Variants in DNAAF8 observed in about 807,000 individuals in gnomAD.
The protein encoded by DNAAF8 is dynein axonemal assembly factor 8, also known as dynein axonemal-associated protein 1.
A neutral mutation model predicts 54.6 loss-of-function variants in DNAAF8; 61 were observed. The observed-to-expected ratio is 1.12, with a 90% confidence interval of 0.91 to 1.38. The LOEUF (loss-of-function observed/expected upper bound fraction) is 1.38. DNAAF8 is among the 40% of genes most tolerant of loss of function. The pLI, the probability that DNAAF8 is intolerant of heterozygous loss-of-function variation, is 0.00. For missense variants in DNAAF8, 837 were observed against 665.0 expected, an observed-to-expected ratio of 1.26 and a Z score of -2.85; for synonymous variants, 320 against 270.1, an observed-to-expected ratio of 1.18 and a Z score of -1.81.
At chr16:4,743,261 C>A in intron 5 of DNAAF8, 101 bp downstream of exon 5, 1 of 804,040 alleles carries the variant, frequency 1.2e-6, no homozygotes. Context: ...GACAGTCCTG[C>A]AGCCCACACA....
intron 4 of DNAAF8, among the ~76,000 whole-genome samples, chr16:4,741,088 G>C (rs192282833): frequency 0.029 from 4,377 of 150,416 alleles, 70 homozygotes; most frequent in African/African-American, 0.036. Context: ...AAAATAATTA[G>C]CTGGGTGTGG....
At chr16:4,746,731 A>G (rs2082022189) in intron 7 of DNAAF8, 196 bp from the exon 8 acceptor site, 3 of 761,984 alleles carry the variant, frequency 3.9e-6, no homozygotes, top group East Asian at 2.8e-5. Context: ...TCTATGCAAT[A>G]GAGCCCAACA....
chr16:4,744,547 C>G (rs1167871567), intron 5 of DNAAF8, among the ~76,000 whole-genome samples: 1 of 151,810 alleles, frequency 6.6e-6, no homozygotes, highest in African/African-American at 2.4e-5. Flanking sequence ...TTTAAGTCAA[C>G]ACACAGAACT....
intron 1 of DNAAF8, 67 bp from the exon 2 acceptor site, chr16:4,736,397 G>C (rs944705781): frequency 1.7e-6 from 2 of 1,201,774 alleles, no homozygotes; most frequent in Non-Finnish European, 2.2e-6. Flanking sequence ...ACAGCTGGTA[G>C]AGCAGCCCCT....
chr16:4,745,096 G>C, intron 6 of DNAAF8, 85 bp downstream of exon 6: 1 of 1,485,412 alleles, frequency 6.7e-7, no homozygotes. Context: ...TACCAAGGGC[G>C]GGGCACTCCA....
chr16:4,748,517 G>A (rs180965408), intron 9 of DNAAF8: 7 of 152,230 alleles, frequency 4.6e-5, no homozygotes, highest in East Asian at 1.9e-4. Flanking sequence ...ATGGAGCAGC[G>A]GCCTCACTTG....
chr16:4,749,061 G>C lies in DNAAF8; in HGVS notation c.*346G>C, dbSNP rs1192934956. 6.6e-6 allele frequency: 1 copy of C among 152,416 alleles called. No homozygotes were observed. The highest frequency in any genetic ancestry group is 6.5e-5 in the Admixed American group (1 of 15,294). The allele number at this position is 152,416 out of a possible 1,614,324, so 9.4% of individuals were successfully genotyped here. A position where few individuals can be genotyped will look rare whatever the true frequency, so the allele number is the denominator to read the frequency against. ...CCCAATGATGAGGGGCATTTTCATT[G>C]CAAGTCAAAGGCAAGACAGGCTTCC... On this transcript the variant is annotated 3_prime_UTR_variant, in exon 10 of 10. Transcript: ENST00000299320.
chr16:4,740,471 C>T lies in DNAAF8; in HGVS notation c.595C>T (p.Leu199Phe). 1.9e-6 allele frequency: 3 copies of T among 1,614,078 alleles called. No homozygotes were observed. Among genetic ancestry groups the T allele is most frequent in the Non-Finnish European group, 8.5e-7 (1 of 1,180,010 alleles). ...ACAAGAATCTGTGAACCGCCGGGCCCTCCGACAGGAGAGAAGGAAGATGAT... is the reference window on the plus strand; with the variant it reads ...ACAAGAATCTGTGAACCGCCGGGCCTTCCGACAGGAGAGAAGGAAGATGAT... The part of the protein sequence containing the change: ...ASQESVNRRA[L>F]RQERRKMIET... The change falls in exon 4 of 10, where the codon CTC becomes TTC. Residue 199 changes from leucine to phenylalanine, a missense_variant. Transcript: ENST00000299320.
At chr16:4,738,807 CG>C (rs915327335) in intron 3 of DNAAF8, among the ~76,000 whole-genome samples, 19 of 151,880 alleles carry the variant, frequency 1.3e-4, no homozygotes, top group African/African-American at 4.6e-4. Context: ...CGCTTGGACC[CG>C]GGGGAGCAGA....
At position 4,743,135 on chromosome 16, in the gene DNAAF8, G is replaced by C. The variant is rs761953118; in HGVS notation, c.876G>C (p.Trp292Cys). The change falls in exon 5 of 10, where the codon TGG becomes TGC. Residue 292 changes from tryptophan to cysteine, a missense_variant. By Grantham distance (215) the Trp-to-Cys change is radical. Coordinates refer to ENST00000299320, the MANE Select transcript of DNAAF8 (RefSeq NM_139170.3). Reference sequence around the variant, plus strand: ...ATCGTGCACCTGGAACTGTGTGGTGGGCAGCTGACCACCGCCAAGTTCAAG... The same window carrying C: ...ATCGTGCACCTGGAACTGTGTGGTGCGCAGCTGACCACCGCCAAGTTCAAG... ...QGNRAPGTVWWAADHRQVQDR... is the reference protein window; with the variant it reads ...QGNRAPGTVWCAADHRQVQDR... 5 of 1,608,498 alleles carry C rather than the reference G, an allele frequency of 3.1e-6. No individual in the cohort carries two copies. The East Asian group carries it at 9.0e-5, about 29-fold the overall frequency.
Position 4,747,532 on chromosome 16 carries a change from T to A in DNAAF8, c.1470T>A (p.Ala490=), listed in dbSNP as rs922512626. The change falls in exon 9 of 10, where the codon GCT becomes GCA. Residue 490 remains alanine (A), a synonymous_variant. Coordinates refer to ENST00000299320, the MANE Select transcript of DNAAF8 (RefSeq NM_139170.3). ...GTGCCAAGGGGCAGAGCGCCCAGGCTCGACTCCCAAGAGGCAGGCCCAGAG... is the reference window on the plus strand; with the variant it reads ...GTGCCAAGGGGCAGAGCGCCCAGGCACGACTCCCAAGAGGCAGGCCCAGAG... ...KLCAKGQSAQ[A]RLPRGRPRAL... 1.2e-6 allele frequency: 2 copies of A among 1,613,048 alleles called. No individual in the cohort carries two copies. Among genetic ancestry groups the A allele is most frequent in the East Asian group, 2.2e-5 (1 of 44,874 alleles).
intron 9 of DNAAF8, 92 bp downstream of exon 9, chr16:4,747,726 CA>C: frequency 7.1e-7 from 1 of 1,400,846 alleles, no homozygotes; most frequent in Non-Finnish European, 9.5e-7. Context: ...TTTCCACTAG[CA>C]GGGGCATTCC....
chr16:4,746,125 T>G, intron 6 of DNAAF8: 1 of 420,974 alleles, frequency 2.4e-6, no homozygotes. Flanking sequence ...TAGCCACTTG[T>G]GCCAAGTGGC....
chr16:4,743,202 C>A, intron 5 of DNAAF8, 42 bp downstream of exon 5: 1 of 1,417,326 alleles, frequency 7.1e-7, no homozygotes, highest in Non-Finnish European at 9.8e-7. Context: ...TCCCCACAAG[C>A]AGCACCTTCC....
intron 3 of DNAAF8, among the ~76,000 whole-genome samples, chr16:4,738,983 T>A (rs2081927269): frequency 6.6e-6 from 1 of 152,124 alleles, no homozygotes; most frequent in Non-Finnish European, 1.5e-5. Context: ...TTCTCTCAGG[T>A]GTTCTGCTGA....
chr16:4,744,778 G>A, intron 5 of DNAAF8, 92 bp from the exon 6 acceptor site: 9 of 1,451,760 alleles, frequency 6.2e-6, no homozygotes, highest in Non-Finnish European at 8.5e-6. Context: ...CCATTCACAT[G>A]TGGAGACCCC....
In DNAAF8 at chr16:4,740,604, G is replaced by C; in HGVS notation, c.728G>C (p.Arg243Thr). 6.2e-7 allele frequency: 1 copy of C among 1,612,696 alleles called. No homozygotes were observed. Among genetic ancestry groups the C allele is most frequent in the Middle Eastern group, 1.7e-4 (1 of 6,058 alleles). The change falls in exon 4 of 10, where the codon AGA becomes ACA. Residue 243 changes from arginine (R) to threonine (T), a missense_variant. Arg to Thr is a moderately conservative substitution (Grantham distance 71). Coordinates refer to ENST00000299320, the MANE Select transcript of DNAAF8 (RefSeq NM_139170.3). Reference protein sequence around the residue: ...APCHAAESAPRSKMPLVEPPE... With the variant: ...APCHAAESAPTSKMPLVEPPE... ...TGCCACGCTGCGGAGTCAGCTCCCAGATCCAAAATGCCCCTCGTGGAGCCT... is the reference window on the plus strand; with the variant it reads ...TGCCACGCTGCGGAGTCAGCTCCCACATCCAAAATGCCCCTCGTGGAGCCT...
In DNAAF8 at chr16:4,735,731, G is replaced by A. The variant is rs578037229; in HGVS notation, c.-51-733G>A. ...CCAGCACTTTGGGAGGCTGAGGCAAGAGGATCACTTGAGGCCAGGAGTTTG... is the reference window on the plus strand; with the variant it reads ...CCAGCACTTTGGGAGGCTGAGGCAAAAGGATCACTTGAGGCCAGGAGTTTG... On this transcript the variant is annotated intron_variant, in intron 1 of 9. Coordinates refer to ENST00000299320, the MANE Select transcript of DNAAF8 (RefSeq NM_139170.3). Among the ~76,000 whole-genome samples the A allele has an allele frequency of 2.0e-4, 31 of 152,284 alleles. 1 individual carries two copies. In the South Asian group the frequency reaches 6.0e-3, roughly 30 times the overall value.
At position 4,737,520 on chromosome 16, in the gene DNAAF8, T is replaced by C. The variant is rs77581083; in HGVS notation, c.130-280T>C. Among the ~76,000 whole-genome samples the C allele has an allele frequency of 3.3e-3, 508 of 152,308 alleles. 2 individuals carry two copies. Among genetic ancestry groups the C allele is most frequent in the African/African-American group, 0.011 (466 of 41,572 alleles). On this transcript the variant is annotated intron_variant, in intron 2 of 9. Transcript: ENST00000299320. ...CACGAGGCATTAATGAAGCACCTGCTGTATGCGAGGTACTTGCAGAACCAG... is the reference window on the plus strand; with the variant it reads ...CACGAGGCATTAATGAAGCACCTGCCGTATGCGAGGTACTTGCAGAACCAG...
Sources: gnomAD v4.1 joint callset for allele counts (sites outside exome capture counted in the v4.1 genomes callset) on GRCh38, gnomAD v4.1.1 for gene constraint, MANE v1.5 for transcripts, NCBI Gene and HGNC (gene_info 2026-07-23, HGNC 2026-07-21) for gene names.